Variants in TENM2 observed in about 807,000 individuals in gnomAD.
TENM2 encodes the protein teneurin-2.
A neutral mutation model predicts 245.2 loss-of-function variants in TENM2; 52 were observed. The ratio of observed to expected loss-of-function variants is 0.21; its 90% CI spans 0.17 to 0.27. The LOEUF (loss-of-function observed/expected upper bound fraction) is 0.27, where lower values mean the gene tolerates loss of function less well. Among genes scored for constraint, TENM2 ranks in the 10% least tolerant of loss-of-function variants. The pLI, the probability that TENM2 is intolerant of heterozygous loss-of-function variation, is 1.00. For synonymous variants in TENM2, 1,363 were observed against 1,438.9 expected, an observed-to-expected ratio of 0.95 and a Z score of 1.19; for missense variants, 3,046 against 3,666.8, an observed-to-expected ratio of 0.83 and a Z score of 4.37.
At chr5:167,269,301 C>T in the TENM2 span, among the ~76,000 whole-genome samples, 2 of 152,034 alleles carry the variant, frequency 1.3e-5, no homozygotes, top group Non-Finnish European at 1.5e-5. Flanking sequence ...CTATTTTTAA[C>T]AAAGCTTTAT....
chr5:167,024,032 TAA>T, the TENM2 span, among the ~76,000 whole-genome samples: 1 of 152,206 alleles, frequency 6.6e-6, no homozygotes, highest in Non-Finnish European at 1.5e-5. Context: ...TAAAAATTCA[TAA>T]GTCTGGCATT....
chr5:167,380,493 C>G (rs1330365274), intron 2 of TENM2, among the ~76,000 whole-genome samples: 4 of 152,148 alleles, frequency 2.6e-5, no homozygotes, highest in African/African-American at 9.7e-5. Context: ...CAGTACTGCA[C>G]TTTCCAGATT....
At chr5:167,598,023 T>G (rs894096227) in intron 2 of TENM2, among the ~76,000 whole-genome samples, 1 of 152,330 alleles carries the variant, frequency 6.6e-6, no homozygotes, top group Non-Finnish European at 1.5e-5. Context: ...TGAGTTTAGC[T>G]GCATTAACCC....
chr5:167,233,168 T>A, the TENM2 span, among the ~76,000 whole-genome samples: 1 of 152,200 alleles, frequency 6.6e-6, no homozygotes, highest in Non-Finnish European at 1.5e-5. Context: ...GGAAGTGGAA[T>A]GCAAAGTCTG....
intron 2 of TENM2, among the ~76,000 whole-genome samples, chr5:167,392,988 G>A (rs1325540972): frequency 6.6e-6 from 1 of 152,080 alleles, no homozygotes; most frequent in Admixed American, 6.6e-5. Flanking sequence ...CAGGTGTGGT[G>A]GAGGGCACCT....
rs577818385 is a variant in TENM2, at chr5:167,525,949, A to G, written c.502+150476A>G. On this transcript the variant is annotated intron_variant, in intron 2 of 28. Transcript: ENST00000518659. ...TACTATCATTATTATATACTTTAAG[A>G]CATCTCTATCATCTCCCAATTACCA... 1.8e-4 allele frequency among the ~76,000 whole-genome samples: 27 copies of G among 152,122 alleles called. No homozygotes were observed. The East Asian group carries it at 5.0e-3, about 28-fold the overall frequency.
chr5:167,494,580 A>G lies in TENM2; in HGVS notation c.502+119107A>G, dbSNP rs76589902. ...TCCAGTCCAATGCAAGAAGATTAGT[A>G]GGAGAAATAGGAAAAAAAGAGTTAC... On this transcript the variant is annotated intron_variant, in intron 2 of 28. Coordinates refer to ENST00000518659, the Ensembl canonical transcript of TENM2. Among the ~76,000 whole-genome samples, 823 of 152,262 alleles carry G rather than the reference A, an allele frequency of 5.4e-3. 11 individuals carry two copies. Among genetic ancestry groups the G allele is most frequent in the African/African-American group, 0.018 (764 of 41,570 alleles).
intron 24 of TENM2, 56 bp from the exon 27 acceptor site, chr5:168,227,835 TCTGA>T (rs1933889123): frequency 4.3e-6 from 5 of 1,152,560 alleles, no homozygotes; most frequent in Admixed American, 2.6e-5. Flanking sequence ...TCTATTCTCT[TCTGA>T]CTAATAGAGC....
At chr5:167,346,315 A>G (rs1490319855) in intron 1 of TENM2, among the ~76,000 whole-genome samples, 1 of 152,222 alleles carries the variant, frequency 6.6e-6, no homozygotes, top group Non-Finnish European at 1.5e-5. Context: ...AGAATTTTTT[A>G]TCAGCATGAG....
At chr5:168,167,910 T>C (rs1391571905) in intron 13 of TENM2, among the ~76,000 whole-genome samples, 1 of 152,234 alleles carries the variant, frequency 6.6e-6, no homozygotes. Context: ...ACCTGGCTCA[T>C]AGATGCCCTC....
chr5:167,502,731 G>A (rs565647756), intron 2 of TENM2, among the ~76,000 whole-genome samples: 1 of 152,114 alleles, frequency 6.6e-6, no homozygotes, highest in Admixed American at 6.6e-5. Context: ...AGCCCCTTTG[G>A]GATCTACTGT....
Position 167,445,330 on chromosome 5 carries a change from T to TAGGGAGAGAG in TENM2, c.502+69858_502+69859insGGGAGAGAGA, listed in dbSNP as rs1275688569. Among the ~76,000 whole-genome samples the TAGGGAGAGAG allele has an allele frequency of 1.4e-4, 7 of 49,266 alleles. No individual in the cohort carries two copies. In the East Asian group the frequency reaches 2.0e-3, roughly 14 times the overall value. The allele number at this position is 49,266 out of a possible 152,430, so 32.3% of individuals were successfully genotyped here. The stretch of plus-strand genomic sequence containing the variant: ...ATATGATTATATATATATATATATA[T>TAGGGAGAGAG]ATATATAGAGAGAGAGAGAGAGAGA... On this transcript the variant is annotated intron_variant, in intron 2 of 28. Transcript: ENST00000518659.
At chr5:167,165,997 A>G in the TENM2 span, among the ~76,000 whole-genome samples, 2 of 152,096 alleles carry the variant, frequency 1.3e-5, no homozygotes, top group African/African-American at 2.4e-5. Flanking sequence ...CTGAGCCTCA[A>G]TTTTCTTGTA....
chr5:167,006,823 C>T, the TENM2 span, among the ~76,000 whole-genome samples: 31 of 151,954 alleles, frequency 2.0e-4, no homozygotes, highest in East Asian at 7.8e-4. Flanking sequence ...TGTGCCACCA[C>T]GCCTGGCTAA....
At chr5:168,005,019 A>G (rs985510647) in intron 5 of TENM2, among the ~76,000 whole-genome samples, 5 of 152,132 alleles carry the variant, frequency 3.3e-5, no homozygotes, top group Admixed American at 2.6e-4. Context: ...CTAAGGTCTC[A>G]TGAACTCTGC....
chr5:168,086,247 G>A (rs1412230142), intron 7 of TENM2, among the ~76,000 whole-genome samples: 3 of 152,066 alleles, frequency 2.0e-5, no homozygotes, highest in African/African-American at 7.2e-5. Context: ...CTCTCCTCCC[G>A]CTCCTCTGGA....
intron 2 of TENM2, among the ~76,000 whole-genome samples, chr5:167,706,025 T>C (rs1247877111): frequency 6.9e-6 from 1 of 145,124 alleles, no homozygotes; most frequent in African/African-American, 2.5e-5. Context: ...ATTTATATTA[T>C]ATATTATATA....
chr5:168,187,343 T>G (rs1268926397), intron 13 of TENM2: 1 of 151,818 alleles, frequency 6.6e-6, no homozygotes, highest in African/African-American at 2.4e-5. Flanking sequence ...AGGAAAACTG[T>G]CTTAAGTTAT....
At chr5:167,643,274 C>T (rs779395330) in intron 2 of TENM2, among the ~76,000 whole-genome samples, 120 of 152,194 alleles carry the variant, frequency 7.9e-4, no homozygotes, top group Non-Finnish European at 5.7e-4. Context: ...CATTCCCACA[C>T]CCCGCCCTAG....
Sources: allele counts gnomAD v4.1 joint callset (sites outside exome capture counted in the v4.1 genomes callset), GRCh38; gene constraint gnomAD v4.1.1; transcripts MANE v1.5; gene names NCBI Gene and HGNC (gene_info 2026-07-23, HGNC 2026-07-21).